SEMA5A: variants seen among roughly 807,000 people sequenced by gnomAD.
SEMA5A encodes the protein semaphorin 5A, also known as semaphorin-5A.
A neutral mutation model predicts 135.5 loss-of-function variants in SEMA5A; 55 were observed. The observed-to-expected ratio is 0.41, with a 90% confidence interval of 0.33 to 0.51. The LOEUF (loss-of-function observed/expected upper bound fraction) is 0.51, where lower values mean the gene tolerates loss of function less well. Among genes scored for constraint, SEMA5A ranks in the 20% least tolerant of loss-of-function variants. The pLI, the probability that SEMA5A is intolerant of heterozygous loss-of-function variation, is 0.37. For synonymous variants in SEMA5A, 580 were observed against 546.5 expected, an observed-to-expected ratio of 1.06 and a Z score of -0.85; for missense variants, 1,290 against 1,419.9, an observed-to-expected ratio of 0.91 and a Z score of 1.47.
chr5:9,330,788 A>G (rs1255207041), intron 4 of SEMA5A, among the ~76,000 whole-genome samples: 4 of 152,204 alleles, frequency 2.6e-5, no homozygotes, highest in Non-Finnish European at 4.4e-5. Flanking sequence ...ACCTGTGCAT[A>G]GGGGCCAGCC....
chr5:9,419,318 G>A (rs1174780438), intron 2 of SEMA5A, among the ~76,000 whole-genome samples: 3 of 152,192 alleles, frequency 2.0e-5, no homozygotes, highest in African/African-American at 7.2e-5. Context: ...CAGTCTGTGT[G>A]CAGATGAGAA....
intron 3 of SEMA5A, among the ~76,000 whole-genome samples, chr5:9,377,910 AC>A (rs1169214689): frequency 6.6e-6 from 1 of 152,162 alleles, no homozygotes; most frequent in Non-Finnish European, 1.5e-5. Context: ...AGGAATAGGA[AC>A]ATCTTGTCAA....
chr5:9,200,828 G>A (rs1399399539), intron 9 of SEMA5A, among the ~76,000 whole-genome samples: 1 of 152,148 alleles, frequency 6.6e-6, no homozygotes, highest in South Asian at 2.1e-4. Context: ...GGCATCTGAT[G>A]CCCAAGAGAT....
chr5:9,512,030 A>G (rs1198168087), intron 1 of SEMA5A: 1 of 152,214 alleles, frequency 6.6e-6, no homozygotes, highest in African/African-American at 2.4e-5. Flanking sequence ...TCTTGGAAAC[A>G]TCCTTCACAG....
intron 2 of SEMA5A, among the ~76,000 whole-genome samples, chr5:9,404,829 C>A (rs1756811773): frequency 6.6e-6 from 1 of 152,184 alleles, no homozygotes; most frequent in Admixed American, 6.5e-5. Context: ...CTCAGGTGAC[C>A]TCCAAAGGTT....
At chr5:9,427,594 A>G (rs914994574) in intron 2 of SEMA5A, among the ~76,000 whole-genome samples, 1 of 152,196 alleles carries the variant, frequency 6.6e-6, no homozygotes, top group African/African-American at 2.4e-5. Flanking sequence ...GCTGATGAAT[A>G]CATCACAACT....
chr5:9,397,983 T>G (rs1756476594), intron 2 of SEMA5A, among the ~76,000 whole-genome samples: 2 of 152,220 alleles, frequency 1.3e-5, no homozygotes, highest in Admixed American at 1.3e-4. Flanking sequence ...GAGCTTGGCA[T>G]GTGAGTGGTG....
At chr5:9,444,957 A>G (rs1380089406) in intron 1 of SEMA5A, among the ~76,000 whole-genome samples, 1 of 152,242 alleles carries the variant, frequency 6.6e-6, no homozygotes, top group Non-Finnish European at 1.5e-5. Context: ...GCACTGATGC[A>G]AACACCCATG....
At chr5:9,477,046 G>C (rs555106511) in intron 1 of SEMA5A, among the ~76,000 whole-genome samples, 1 of 152,192 alleles carries the variant, frequency 6.6e-6, no homozygotes, top group East Asian at 1.9e-4. Context: ...ATTGGATCCT[G>C]GGAACAGTTT....
intron 3 of SEMA5A, among the ~76,000 whole-genome samples, chr5:9,359,378 T>G (rs776584278): frequency 6.6e-6 from 1 of 152,230 alleles, no homozygotes; most frequent in Non-Finnish European, 1.5e-5. Context: ...AAGCATTTGT[T>G]GTTGGATTGC....
At chr5:9,472,582 C>G (rs746913488) in intron 1 of SEMA5A, among the ~76,000 whole-genome samples, 1 of 152,058 alleles carries the variant, frequency 6.6e-6, no homozygotes, top group Admixed American at 6.6e-5. Context: ...CTGAAGGAGG[C>G]TTGGGGGTTG....
At chr5:9,409,465 C>T (rs534221902) in intron 2 of SEMA5A, among the ~76,000 whole-genome samples, 10 of 152,264 alleles carry the variant, frequency 6.6e-5, no homozygotes, top group Admixed American at 1.3e-4. Context: ...CATGGCCAAG[C>T]CAGAACCAAA....
intron 8 of SEMA5A, among the ~76,000 whole-genome samples, chr5:9,207,130 A>ATATATATATATATATATATC: frequency 7.8e-6 from 1 of 128,520 alleles, no homozygotes; most frequent in East Asian, 2.3e-4. Flanking sequence ...ATATATATAT[A>ATATATATATATATATATATC]TATAAAGCTT....
chr5:9,284,736 A>G (rs903016318), intron 5 of SEMA5A, among the ~76,000 whole-genome samples: 9 of 152,236 alleles, frequency 5.9e-5, no homozygotes, highest in African/African-American at 2.2e-4. Flanking sequence ...AAAATTAAGA[A>G]CAGCCTTCGT....
At chr5:9,275,288 G>T (rs1298051666) in intron 5 of SEMA5A, among the ~76,000 whole-genome samples, 2 of 152,144 alleles carry the variant, frequency 1.3e-5, no homozygotes, top group Non-Finnish European at 2.9e-5. Flanking sequence ...CCAGGAAGAA[G>T]TCGAATCCTT....
intron 8 of SEMA5A, among the ~76,000 whole-genome samples, chr5:9,213,415 A>G (rs947283041): frequency 2.0e-5 from 3 of 152,230 alleles, no homozygotes. Context: ...CTAAAACTGA[A>G]CATGGTAAGA....
At chr5:9,265,394 A>T (rs757834657) in intron 5 of SEMA5A, 17 of 456,042 alleles carry the variant, frequency 3.7e-5, no homozygotes, top group South Asian at 2.6e-4. Flanking sequence ...TTATCTAACA[A>T]GTCAATCCCA....
At chr5:9,391,793 T>G (rs2126530734) in intron 2 of SEMA5A, among the ~76,000 whole-genome samples, 1 of 152,336 alleles carries the variant, frequency 6.6e-6, no homozygotes, top group East Asian at 1.9e-4. Context: ...GATAAATCTT[T>G]GTAAAGAGCT....
chr5:9,426,440 ATAAAAT>A (rs1208168500), intron 2 of SEMA5A, among the ~76,000 whole-genome samples: 5 of 141,330 alleles, frequency 3.5e-5, no homozygotes, highest in African/African-American at 1.3e-4. Flanking sequence ...AATAAATAAA[ATAAAAT>A]AAAATAAAAT....
Sources: allele counts gnomAD v4.1 joint callset (sites outside exome capture counted in the v4.1 genomes callset), GRCh38; gene constraint gnomAD v4.1.1; transcripts MANE v1.5; gene names NCBI Gene and HGNC (gene_info 2026-07-23, HGNC 2026-07-21).